PLCH1: variants seen among roughly 807,000 people sequenced by gnomAD.
The protein encoded by PLCH1 is phospholipase C eta 1.
Under a neutral mutation model 126.7 loss-of-function variants are expected in PLCH1, and 60 were observed. The ratio of observed to expected loss-of-function variants is 0.47; its 90% CI spans 0.38 to 0.59. The LOEUF (loss-of-function observed/expected upper bound fraction) is 0.59, where lower values mean the gene tolerates loss of function less well. Ranked by LOEUF, PLCH1 falls within the 20% of genes least tolerant of loss-of-function variation. The probability of loss-of-function intolerance (pLI) is 0.00; values close to 1 mark genes in which losing one functional copy is unlikely to be tolerated. For missense variants in PLCH1, 1,723 were observed against 2,040.0 expected, an observed-to-expected ratio of 0.84 and a Z score of 2.99; for synonymous variants, 719 against 734.9, an observed-to-expected ratio of 0.98 and a Z score of 0.35.
intron 22 of PLCH1, 108 bp from the exon 23 acceptor site, chr3:155,483,159 C>G: frequency 4.7e-6 from 5 of 1,063,330 alleles, no homozygotes; most frequent in Non-Finnish European, 7.0e-6. Context: ...ATCTGTTACA[C>G]TGTGACAGAA....
chr3:155,696,569 T>TA (rs1436042166), intron 2 of PLCH1, among the ~76,000 whole-genome samples: 5 of 152,186 alleles, frequency 3.3e-5, no homozygotes, highest in Admixed American at 3.3e-4. Context: ...AAACTAATTG[T>TA]AATTATGGAA....
At chr3:155,605,669 G>A (rs754103935) in intron 2 of PLCH1, among the ~76,000 whole-genome samples, 2 of 152,178 alleles carry the variant, frequency 1.3e-5, no homozygotes, top group East Asian at 1.9e-4. Context: ...GCTACAGCTC[G>A]GTAGCAAAGG....
intron 8 of PLCH1, among the ~76,000 whole-genome samples, chr3:155,560,924 A>G (rs1323671358): frequency 6.6e-6 from 1 of 152,170 alleles, no homozygotes; most frequent in Non-Finnish European, 1.5e-5. Context: ...CTTCGAGGGC[A>G]CTACTTCCTT....
intron 21 of PLCH1, among the ~76,000 whole-genome samples, chr3:155,473,482 T>C (rs1401729912): frequency 3.3e-5 from 5 of 150,844 alleles, no homozygotes; most frequent in Non-Finnish European, 5.9e-5. Context: ...ATCAATATCG[T>C]GAAAATGGCC....
At chr3:155,710,903 T>TA (rs761254687) in intron 1 of PLCH1, among the ~76,000 whole-genome samples, 39 of 131,642 alleles carry the variant, frequency 3.0e-4, no homozygotes, top group East Asian at 6.4e-4. Context: ...TAGAAAAAAC[T>TA]AAAAAAAAAA....
intron 1 of PLCH1, among the ~76,000 whole-genome samples, chr3:155,738,075 A>G (rs1749330577): frequency 6.6e-6 from 1 of 152,194 alleles, no homozygotes; most frequent in African/African-American, 2.4e-5. Flanking sequence ...AAGGCTAGAC[A>G]AGTTTGTAAG....
chr3:155,511,805 G>A, intron 12 of PLCH1, among the ~76,000 whole-genome samples: 1 of 151,278 alleles, frequency 6.6e-6, no homozygotes. Context: ...CTGTCTGTTT[G>A]TTTGTCTGTG....
rs961043031 is a variant in PLCH1, at chr3:155,550,102, G to T, written c.1191-144C>A. On this transcript the variant is annotated intron_variant, in intron 9 of 22. Coordinates refer to ENST00000460012, the MANE Select transcript of PLCH1 (RefSeq NM_014996.4). ...ATGATGGTTAAAATGCTTCTAAAAT[G>T]AGAAAGATTAGAAATGCATTTAAAA... The T allele has an allele frequency of 5.0e-5, 28 of 557,138 alleles. No homozygotes were observed. The Middle Eastern group carries it at 3.8e-3, about 75-fold the overall frequency. The allele number at this position is 557,138 out of a possible 1,614,324, so 34.5% of individuals were successfully genotyped here.
At position 155,488,650 on chromosome 3, in the gene PLCH1, T is replaced by C. The variant is rs747828585; in HGVS notation, c.2539+10A>G. ...GTCAGTCTAGAGAGAAAAGGCCAGC[T>C]CATACCTACCAGGCACTAAGCTGCT... On this transcript the variant is annotated intron_variant, in intron 20 of 22. Transcript: ENST00000460012. 2 of 1,607,446 alleles carry C rather than the reference T, an allele frequency of 1.2e-6. No individual in the cohort carries two copies. Among genetic ancestry groups the C allele is most frequent in the Non-Finnish European group, 1.7e-6 (2 of 1,177,670 alleles).
chr3:155,503,176 G>A (rs1004226586), intron 13 of PLCH1, among the ~76,000 whole-genome samples: 5 of 152,104 alleles, frequency 3.3e-5, no homozygotes, highest in African/African-American at 7.2e-5. Context: ...CACATACGAC[G>A]AAATAGAATA....
Position 155,650,664 on chromosome 3 carries a change from A to G in PLCH1, c.79+53482T>C, listed in dbSNP as rs73156543. On this transcript the variant is annotated intron_variant, in intron 2 of 22. Coordinates refer to ENST00000460012, the MANE Select transcript of PLCH1 (RefSeq NM_014996.4). ...ATACCTACCTCATATTCAATGAGCT[A>G]TTATGAATCAAGAAAAAGATAAATC... is the stretch of plus-strand genomic sequence containing the variant. 3.7e-3 allele frequency among the ~76,000 whole-genome samples: 565 copies of G among 152,356 alleles called. 6 individuals are homozygous for G. The highest frequency in any genetic ancestry group is 0.025 in the South Asian group (122 of 4,828).
chr3:155,587,227 C>A (rs900426524), intron 4 of PLCH1, among the ~76,000 whole-genome samples: 1 of 152,116 alleles, frequency 6.6e-6, no homozygotes, highest in African/African-American at 2.4e-5. Context: ...TGATGAAACC[C>A]CAAATATCAT....
At chr3:155,504,988 G>T (rs1017102365) in intron 12 of PLCH1, among the ~76,000 whole-genome samples, 8 of 152,146 alleles carry the variant, frequency 5.3e-5, no homozygotes, top group Non-Finnish European at 8.8e-5. Flanking sequence ...GTTCTGAGTG[G>T]GGTTAAGTCA....
At chr3:155,497,044 C>T (rs1717141907) in intron 15 of PLCH1, among the ~76,000 whole-genome samples, 3 of 152,142 alleles carry the variant, frequency 2.0e-5, no homozygotes, top group Non-Finnish European at 4.4e-5. Context: ...AAGATCTTGC[C>T]CTGAGGCACT....
At position 155,481,843 on chromosome 3, in the gene PLCH1, C is replaced by T; in HGVS notation, c.4183G>A (p.Gly1395Ser). ...NQGVVEHFQR[G>S]LRNGYCKETL... ...TCTTTACAGTAGCCGTTTCTCAAAC[C>T]TCTTTGAAAGTGTTCTACCACACCC... The change falls in exon 23 of 23, where the codon GGT (glycine) becomes AGT (serine). Residue 1395 changes from glycine to serine, a missense_variant. Transcript: ENST00000460012. The surrounding 1 kb of genome is among the most constrained non-coding windows in gnomAD (Gnocchi z 4.2). The T allele has an allele frequency of 1.2e-6, 2 of 1,614,138 alleles. No individual in the cohort carries two copies. The highest frequency in any genetic ancestry group is 1.7e-6 in the Non-Finnish European group (2 of 1,180,024).
chr3:155,664,137 A>G (rs900981113), intron 2 of PLCH1, among the ~76,000 whole-genome samples: 6 of 152,242 alleles, frequency 3.9e-5, no homozygotes, highest in Non-Finnish European at 7.3e-5. Context: ...CAGAAAAGAA[A>G]CTGGCAAAGG....
Position 155,564,993 on chromosome 3 carries a change from T to C in PLCH1, c.991A>G (p.Thr331Ala). ...YIASSHNTYL[T>A]GDQLLSQSKV... ...GACTGAGAAAGGAGCTGGTCTCCAG[T>C]CAGGTATGTATTGTGAGAGGAAGCA... Residue 331 changes from threonine (T) to alanine (A), a missense_variant, in exon 8 of 23, where the codon ACT becomes GCT. By Grantham distance (58) the Thr-to-Ala change is moderately conservative (BLOSUM62 0). Coordinates refer to ENST00000460012, the MANE Select transcript of PLCH1 (RefSeq NM_014996.4). 3 of 1,613,826 alleles carry C rather than the reference T, an allele frequency of 1.9e-6. No homozygotes were observed. The highest frequency in any genetic ancestry group is 2.7e-5 in the African/African-American group (2 of 75,016).
chr3:155,491,946 G>C (rs967593853), intron 18 of PLCH1, among the ~76,000 whole-genome samples: 8 of 152,118 alleles, frequency 5.3e-5, no homozygotes, highest in Non-Finnish European at 1.2e-4. Flanking sequence ...TACCAGTTCT[G>C]GGCGACGAAC....
chr3:155,471,823 A>G (rs1366750734), intron 21 of PLCH1, among the ~76,000 whole-genome samples: 4 of 152,126 alleles, frequency 2.6e-5, no homozygotes, highest in Non-Finnish European at 4.4e-5. Context: ...GCTCATGAAT[A>G]ACTACTGGAT....
Sources: gnomAD v4.1 joint callset for allele counts (sites outside exome capture counted in the v4.1 genomes callset) on GRCh38, gnomAD v4.1.1 for gene constraint, Gnocchi (gnomAD v3.1) non-coding constraint, MANE v1.5 for transcripts, NCBI Gene and HGNC (gene_info 2026-07-23, HGNC 2026-07-21) for gene names.